Variants in VAV3 observed in about 807,000 individuals in gnomAD.
VAV3 encodes guanine nucleotide exchange factor VAV3.
In VAV3, 94 loss-of-function variants were observed where a neutral mutation model predicts 131.2. That is an observed-to-expected ratio of 0.72 (90% CI 0.61 to 0.85). VAV3 has a LOEUF of 0.85. Among genes scored for constraint, VAV3 ranks in the 40% least tolerant of loss-of-function variants. VAV3 has a pLI of 0.00. For missense variants in VAV3, 939 were observed against 1,002.7 expected (o/e 0.94, Z 0.86); for synonymous variants, 349 against 342.0 (o/e 1.02, Z -0.22).
At chr1:107,886,666 C>A (rs974094841) in intron 1 of VAV3, among the ~76,000 whole-genome samples, 1 of 152,102 alleles carries the variant, frequency 6.6e-6, no homozygotes, top group African/African-American at 2.4e-5. Context: ...GAATCTTATT[C>A]ATCTAGGTTT....
rs56971422 is a variant in VAV3, at chr1:107,774,928, T to TTTA, written c.447-2086_447-2085insTAA. On this transcript the variant is annotated intron_variant, in intron 4 of 26. Coordinates refer to ENST00000370056, the MANE Select transcript of VAV3 (RefSeq NM_006113.5). ...AATACATTTGCTTTTTTTTTTTTTTTAAGATAACCCTACTTCACCTTTTAT... is the reference window on the plus strand; with the variant it reads ...AATACATTTGCTTTTTTTTTTTTTTTTTAAAGATAACCCTACTTCACCTTTTAT... Among the ~76,000 whole-genome samples the TTTA allele has an allele frequency of 7.2e-5, 11 of 151,968 alleles. No homozygotes were observed. The East Asian group carries it at 2.1e-3, about 29-fold the overall frequency.
chr1:107,636,427 T>C (rs1275463386), intron 20 of VAV3, among the ~76,000 whole-genome samples: 1 of 152,180 alleles, frequency 6.6e-6, no homozygotes, highest in African/African-American at 2.4e-5. Context: ...CTCCTTGACT[T>C]ATAATGGGGT....
chr1:107,747,937 A>C (rs762168447), intron 15 of VAV3, among the ~76,000 whole-genome samples: 4 of 152,226 alleles, frequency 2.6e-5, no homozygotes, highest in Non-Finnish European at 5.9e-5. Context: ...AGCATTTCTT[A>C]AAACAAGGAA....
chr1:107,752,526 C>G (rs934641840), intron 12 of VAV3, among the ~76,000 whole-genome samples: 5 of 151,996 alleles, frequency 3.3e-5, no homozygotes, highest in Admixed American at 6.5e-5. Flanking sequence ...CCAACAGACA[C>G]AAGAAAAGTA....
chr1:107,870,683 A>C (rs1356238529), intron 2 of VAV3, among the ~76,000 whole-genome samples: 2 of 151,890 alleles, frequency 1.3e-5, no homozygotes, highest in Non-Finnish European at 2.9e-5. Flanking sequence ...CTCTCCCAAT[A>C]ATGTTCTTAC....
chr1:107,954,971 G>A (rs1259816472), intron 1 of VAV3, among the ~76,000 whole-genome samples: 1 of 152,136 alleles, frequency 6.6e-6, no homozygotes, highest in East Asian at 1.9e-4. Context: ...CCTGCCTCAC[G>A]GTGTTGGACA....
chr1:107,593,558 C>CATCTAA (rs1651133477), intron 25 of VAV3, among the ~76,000 whole-genome samples: 1 of 151,966 alleles, frequency 6.6e-6, no homozygotes, highest in Non-Finnish European at 1.5e-5. Context: ...TAATGCTTGG[C>CATCTAA]AAATGTTATT....
chr1:107,882,072 C>T (rs1311666350), intron 1 of VAV3, among the ~76,000 whole-genome samples: 16 of 152,014 alleles, frequency 1.1e-4, no homozygotes, highest in Admixed American at 1.0e-3. Flanking sequence ...TCCAAAGTTG[C>T]TAGGAATAAT....
intron 2 of VAV3, among the ~76,000 whole-genome samples, chr1:107,825,772 T>A (rs1455013648): frequency 6.6e-6 from 1 of 152,176 alleles, no homozygotes; most frequent in South Asian, 2.1e-4. Flanking sequence ...CACTTCCTAC[T>A]TGAATTTCTT....
chr1:107,791,443 G>T (rs1666283192), intron 2 of VAV3, among the ~76,000 whole-genome samples: 1 of 151,784 alleles, frequency 6.6e-6, no homozygotes, highest in South Asian at 2.1e-4. Flanking sequence ...GTGAACCCAA[G>T]GCACCACAAT....
intron 2 of VAV3, among the ~76,000 whole-genome samples, chr1:107,791,346 C>T (rs1666276415): frequency 6.9e-6 from 1 of 144,414 alleles, no homozygotes; most frequent in South Asian, 2.3e-4. Flanking sequence ...GCTGGCAGTT[C>T]AATAGATTAA....
intron 20 of VAV3, among the ~76,000 whole-genome samples, chr1:107,630,792 A>G (rs1654408468): frequency 6.6e-6 from 1 of 152,224 alleles, no homozygotes; most frequent in Non-Finnish European, 1.5e-5. Context: ...GCCTAAAAAA[A>G]CACATGGCTT....
intron 18 of VAV3, among the ~76,000 whole-genome samples, chr1:107,687,234 T>C (rs1659093946): frequency 6.6e-6 from 1 of 152,158 alleles, no homozygotes; most frequent in African/African-American, 2.4e-5. Context: ...AATCAACAGA[T>C]GCACTGATTA....
rs758818187 is a variant in VAV3, at chr1:107,683,469, G to A, written c.1777+19C>T. On this transcript the variant is annotated intron_variant, in intron 19 of 26. Coordinates refer to ENST00000370056, the MANE Select transcript of VAV3 (RefSeq NM_006113.5). Reference sequence around the variant, plus strand: ...CTTAGCTGAAGCCATAATTATGGAAGGTTTAATCAGAAACACACCTGGATC... The same window carrying A: ...CTTAGCTGAAGCCATAATTATGGAAAGTTTAATCAGAAACACACCTGGATC... The A allele has an allele frequency of 5.8e-5, 93 of 1,613,594 alleles. No homozygotes were observed. Among genetic ancestry groups the A allele is most frequent in the Non-Finnish European group, 6.8e-5 (80 of 1,179,670 alleles).
At chr1:107,780,713 G>A (rs1225923564) in intron 2 of VAV3, among the ~76,000 whole-genome samples, 1 of 151,962 alleles carries the variant, frequency 6.6e-6, no homozygotes, top group African/African-American at 2.4e-5. Context: ...ATGCAGTTTC[G>A]CTATGTCGGC....
In VAV3 at chr1:107,760,976, C is replaced by T. The variant is rs558015167; in HGVS notation, c.922-97G>A. 1.5e-4 allele frequency: 100 copies of T among 675,766 alleles called. 1 individual carries two copies. Among genetic ancestry groups the T allele is most frequent in the African/African-American group, 9.8e-4 (54 of 55,014 alleles). 41.9% of individuals were successfully genotyped at this position (675,766 alleles called of 1,614,324 possible). On this transcript the variant is annotated intron_variant, in intron 9 of 26. Transcript: ENST00000370056. ...ACAGTTATTATACAATAAATGAGTGCGTTTGTTTCCTTAACAATCCTTCTC... is the reference window on the plus strand; with the variant it reads ...ACAGTTATTATACAATAAATGAGTGTGTTTGTTTCCTTAACAATCCTTCTC...
chr1:107,737,948 A>G (rs1055652927), intron 15 of VAV3, among the ~76,000 whole-genome samples: 1 of 152,218 alleles, frequency 6.6e-6, no homozygotes, highest in Non-Finnish European at 1.5e-5. Context: ...AAGACTTGGA[A>G]CTAACCCAAA....
intron 19 of VAV3, among the ~76,000 whole-genome samples, chr1:107,657,345 A>G (rs17019630): frequency 0.059 from 9,002 of 152,306 alleles, 658 homozygotes; most frequent in African/African-American, 0.18. Flanking sequence ...AGGGGACTTT[A>G]TAAGAAAATT....
At chr1:107,878,302 AT>A (rs763169743) in intron 1 of VAV3, among the ~76,000 whole-genome samples, 123 of 152,280 alleles carry the variant, frequency 8.1e-4, no homozygotes, top group Non-Finnish European at 1.5e-3. Flanking sequence ...ATTAACAATA[AT>A]TTCATATTAT....
Sources: allele counts gnomAD v4.1 joint callset (sites outside exome capture counted in the v4.1 genomes callset), GRCh38; gene constraint gnomAD v4.1.1; transcripts MANE v1.5; gene names NCBI Gene and HGNC (gene_info 2026-07-23, HGNC 2026-07-21).